The following DOK5 variants were observed in gnomAD, a reference collection of about 807,000 sequenced individuals.
DOK5 encodes the protein docking protein 5, also known as downstream of tyrosine kinase 5.
A neutral mutation model predicts 43.3 loss-of-function variants in DOK5; 27 were observed. That is an observed-to-expected ratio of 0.62 (90% confidence interval 0.46 to 0.86). DOK5 has a LOEUF of 0.86. Among genes scored for constraint, DOK5 ranks in the 40% least tolerant of loss-of-function variants. The pLI, the probability that DOK5 is intolerant of heterozygous loss-of-function variation, is 0.00. For missense variants in DOK5, 373 were observed against 392.9 expected, an observed-to-expected ratio of 0.95 and a Z score of 0.43; for synonymous variants, 146 against 140.1, an observed-to-expected ratio of 1.04 and a Z score of -0.30.
chr20:54,579,385 G>A (rs867445147), intron 2 of DOK5, among the ~76,000 whole-genome samples: 4 of 126,042 alleles, frequency 3.2e-5, no homozygotes, highest in Middle Eastern at 3.6e-3. Context: ...TTGGCAGGGG[G>A]TGAGGCACAG....
chr20:54,563,512 A>G (rs1984982397), intron 2 of DOK5, among the ~76,000 whole-genome samples: 1 of 152,114 alleles, frequency 6.6e-6, no homozygotes, highest in African/African-American at 2.4e-5. Flanking sequence ...TTCAATAAAT[A>G]TTCTACTGTA....
intron 5 of DOK5, among the ~76,000 whole-genome samples, chr20:54,605,050 T>C (rs865879815): frequency 0.12 from 15,378 of 133,046 alleles, 2,342 homozygotes; most frequent in African/African-American, 0.36. Context: ...CACACACGTA[T>C]ACACACACAC....
In DOK5 at chr20:54,591,935, A is replaced by G. The variant is rs918113175; in HGVS notation, c.599+130A>G. On this transcript the variant is annotated intron_variant, in intron 5 of 7. Transcript: ENST00000262593. ...AGCTGAAGTACACTTGAGGAAATTC[A>G]TAGAGTTGCGATTACATAATATGAG... 9.5e-6 allele frequency: 7 copies of G among 735,346 alleles called. No individual in the cohort carries two copies. In the African/African-American group the frequency reaches 1.3e-4, roughly 13 times the overall value. The allele number at this position is 735,346 out of a possible 1,614,324, so 45.6% of individuals were successfully genotyped here.
intron 2 of DOK5, among the ~76,000 whole-genome samples, chr20:54,560,582 T>C (rs993073844): frequency 6.6e-6 from 1 of 152,178 alleles, no homozygotes. Context: ...CTGAAACACG[T>C]TCAAAACTGA....
intron 1 of DOK5, among the ~76,000 whole-genome samples, chr20:54,537,149 G>T (rs1983987337): frequency 6.6e-6 from 1 of 152,118 alleles, no homozygotes; most frequent in Non-Finnish European, 1.5e-5. Flanking sequence ...ATAATGAGGG[G>T]CCCCGTCAAG....
In DOK5 at chr20:54,524,382, A is replaced by G. The variant is rs111394086; in HGVS notation, c.67-30551A>G. Among the ~76,000 whole-genome samples, 1,315 of 152,340 alleles carry G rather than the reference A, an allele frequency of 8.6e-3. 13 individuals are homozygous for G. Among genetic ancestry groups the G allele is most frequent in the Middle Eastern group, 0.041 (12 of 294 alleles). On this transcript the variant is annotated intron_variant, in intron 1 of 7. Transcript: ENST00000262593. ...AATGGCCCATTAGAATGCAATGAAC[A>G]TGAGCAGGACTTACCCTTTGAAACT...
intron 1 of DOK5, among the ~76,000 whole-genome samples, chr20:54,481,005 C>CTATCATG (rs1981667818): frequency 7.5e-6 from 1 of 133,990 alleles, no homozygotes; most frequent in African/African-American, 3.0e-5. Context: ...TATCTATCAT[C>CTATCATG]TATCATCTAT....
At chr20:54,550,881 T>A (rs1233287961) in intron 1 of DOK5, among the ~76,000 whole-genome samples, 1 of 152,150 alleles carries the variant, frequency 6.6e-6, no homozygotes, top group Non-Finnish European at 1.5e-5. Context: ...TTTTTTTTTA[T>A]GTGGGGATAA....
chr20:54,601,712 A>G (rs1336115430), intron 5 of DOK5, among the ~76,000 whole-genome samples: 6 of 152,206 alleles, frequency 3.9e-5, no homozygotes, highest in Non-Finnish European at 4.4e-5. Context: ...GTGGCCCTGC[A>G]CAGTCTGCAC....
chr20:54,506,104 C>T (rs1165325270), intron 1 of DOK5, among the ~76,000 whole-genome samples: 1 of 152,156 alleles, frequency 6.6e-6, no homozygotes, highest in Non-Finnish European at 1.5e-5. Flanking sequence ...TGAGAAGCAG[C>T]CCAGCTCTGC....
rs78097218 is a variant in DOK5, at chr20:54,499,398, C to T, written c.66+23386C>T. Among the ~76,000 whole-genome samples the T allele has an allele frequency of 1.4e-3, 218 of 152,258 alleles. 2 individuals are homozygous for T. Among genetic ancestry groups the T allele is most frequent in the East Asian group, 8.9e-3 (46 of 5,178 alleles). Reference sequence around the variant, plus strand: ...GAGTTTGAATTTGTATTTGTGGTACCGGTGTCCATGCTAGTTCTGTTACCT... The same window carrying T: ...GAGTTTGAATTTGTATTTGTGGTACTGGTGTCCATGCTAGTTCTGTTACCT... On this transcript the variant is annotated intron_variant, in intron 1 of 7. Coordinates refer to ENST00000262593, the MANE Select transcript of DOK5 (RefSeq NM_018431.5).
At chr20:54,584,343 T>C (rs539707054) in intron 2 of DOK5, among the ~76,000 whole-genome samples, 2 of 151,842 alleles carry the variant, frequency 1.3e-5, no homozygotes, top group Admixed American at 6.5e-5. Context: ...CTCTTATAGG[T>C]ATTTCTTTTC....
At position 54,648,216 on chromosome 20, in the gene DOK5, C is replaced by T. The variant is rs188203326; in HGVS notation, c.857-2199C>T. ...ATCCATTCTTTGTTTACTCAGTAAA[C>T]GTTTATTGAGCATCTAGTTTAGGCC... is the stretch of plus-strand genomic sequence containing the variant. On this transcript the variant is annotated intron_variant, in intron 7 of 7. Transcript: ENST00000262593. Among the ~76,000 whole-genome samples the T allele has an allele frequency of 2.2e-3, 341 of 152,128 alleles. 1 individual carries two copies. Among genetic ancestry groups the T allele is most frequent in the Non-Finnish European group, 3.1e-3 (212 of 67,992 alleles).
chr20:54,583,908 C>T (rs928943972), intron 2 of DOK5, among the ~76,000 whole-genome samples: 1 of 151,828 alleles, frequency 6.6e-6, no homozygotes, highest in East Asian at 1.9e-4. Flanking sequence ...TACCTGTAAT[C>T]CTAGCACTTT....
chr20:54,491,505 A>C (rs931662640), intron 1 of DOK5, among the ~76,000 whole-genome samples: 2 of 152,144 alleles, frequency 1.3e-5, no homozygotes, highest in African/African-American at 4.8e-5. Flanking sequence ...GTAGAAGAGA[A>C]ACCTGGCCAG....
chr20:54,648,440 T>C (rs749149806), intron 7 of DOK5, among the ~76,000 whole-genome samples: 2 of 152,158 alleles, frequency 1.3e-5, no homozygotes, highest in Non-Finnish European at 2.9e-5. Flanking sequence ...TTTGAGAAGA[T>C]GCTGACAAAG....
In DOK5 at chr20:54,475,853, C is replaced by A; in HGVS notation, c.-94C>A. 2.0e-6 allele frequency: 3 copies of A among 1,497,718 alleles called. No homozygotes were observed. The highest frequency in any genetic ancestry group is 2.3e-5 in the East Asian group (1 of 43,496). The allele number at this position is 1,497,718 out of a possible 1,614,324, so 92.8% of individuals were successfully genotyped here. A position where few individuals can be genotyped will look rare whatever the true frequency, so the allele number is the denominator to read the frequency against. On this transcript the variant is annotated 5_prime_UTR_variant, in exon 1 of 8. Transcript: ENST00000262593. This position sits in a 1 kb window ranked among gnomAD's most constrained non-coding sequence, Gnocchi z 4.2. ...CAGCTTCACCTCTCCAACTTTCTCC[C>A]ACCGACTGCTTGTCTTGACCCTGCC...
At chr20:54,594,252 C>T (rs1344044616) in intron 5 of DOK5, among the ~76,000 whole-genome samples, 7 of 152,226 alleles carry the variant, frequency 4.6e-5, no homozygotes, top group East Asian at 3.9e-4. Context: ...ATTAGCCAGG[C>T]ATAGTGGCAC....
chr20:54,542,139 C>CACACACACAT (rs1555828960), intron 1 of DOK5, among the ~76,000 whole-genome samples: 126 of 151,056 alleles, frequency 8.3e-4, no homozygotes, highest in African/African-American at 3.1e-3. Flanking sequence ...CACACACACA[C>CACACACACAT]GCATGTAAGC....
Sources: allele counts gnomAD v4.1 joint callset (sites outside exome capture counted in the v4.1 genomes callset), GRCh38; gene constraint gnomAD v4.1.1; non-coding constraint Gnocchi (gnomAD v3.1); transcripts MANE v1.5; gene names NCBI Gene and HGNC (gene_info 2026-07-23, HGNC 2026-07-21).